Variants in RABGEF1 observed in about 807,000 individuals in gnomAD.
The protein encoded by RABGEF1 is rab5 GDP/GTP exchange factor.
Under a neutral mutation model 57.3 loss-of-function variants are expected in RABGEF1, and 26 were observed. That is an observed-to-expected ratio of 0.45 (90% CI 0.33 to 0.63). The LOEUF (loss-of-function observed/expected upper bound fraction) is 0.63, where lower values mean the gene tolerates loss of function less well. Among genes scored for constraint, RABGEF1 ranks in the 20% least tolerant of loss-of-function variants. RABGEF1 has a pLI of 0.02. For missense variants in RABGEF1, 464 were observed against 607.6 expected, an observed-to-expected ratio of 0.76 and a Z score of 2.48; for synonymous variants, 185 against 210.7, an observed-to-expected ratio of 0.88 and a Z score of 1.06.
chr7:66,665,764 C>T, the RABGEF1 span, among the ~76,000 whole-genome samples: 1 of 152,184 alleles, frequency 6.6e-6, no homozygotes. Flanking sequence ...TGGGGGGTGG[C>T]CTGGTCCCTT....
intron 1 of RABGEF1, among the ~76,000 whole-genome samples, chr7:66,750,812 T>C (rs1390913590): frequency 1.3e-5 from 2 of 152,336 alleles, no homozygotes; most frequent in African/African-American, 2.4e-5. Flanking sequence ...GTCAGTGAAA[T>C]GCAAAGATTT....
intron 1 of RABGEF1, chr7:66,756,066 C>A: frequency 6.7e-7 from 1 of 1,502,736 alleles, no homozygotes; most frequent in Middle Eastern, 2.0e-4. Context: ...ATGGCGTCTT[C>A]ATACCATGAA....
At chr7:66,796,905 T>C (rs769719328) in intron 5 of RABGEF1, 21 of 447,938 alleles carry the variant, frequency 4.7e-5, no homozygotes, top group South Asian at 3.3e-4. Flanking sequence ...AAGTTTTTTT[T>C]TTAAGCGTAT....
At chr7:66,663,383 C>T in the RABGEF1 span, among the ~76,000 whole-genome samples, 1 of 152,142 alleles carries the variant, frequency 6.6e-6, no homozygotes, top group Non-Finnish European at 1.5e-5. Context: ...TAGGGTCTCC[C>T]CAACCATGCT....
intron 7 of RABGEF1, among the ~76,000 whole-genome samples, chr7:66,802,100 CAG>C (rs947994033): frequency 5.3e-5 from 8 of 152,072 alleles, no homozygotes; most frequent in African/African-American, 1.9e-4. Context: ...TCTGTAGAGA[CAG>C]AGTTTCATCA....
chr7:66,727,815 A>G (rs189959086), intron 2 of RABGEF1, among the ~76,000 whole-genome samples: 22 of 152,282 alleles, frequency 1.4e-4, no homozygotes, highest in Admixed American at 8.5e-4. Flanking sequence ...GTCTGTGTTC[A>G]TGTTAACAAT....
chr7:66,732,761 GTCTC>G lies in RABGEF1; in HGVS notation c.-814-7231_-814-7228del, dbSNP rs550536707. On this transcript the variant is annotated intron_variant and NMD_transcript_variant, in intron 2 of 9. Coordinates refer to the RABGEF1 transcript ENST00000607882. ...TTGCTGTCTCTCTCGCTCTCTTGCT[GTCTC>G]TCTTTCTCACTCGCTCTCTCTTGCT... Among the ~76,000 whole-genome samples, 458 of 151,662 alleles carry G rather than the reference GTCTC, an allele frequency of 3.0e-3. 2 individuals carry two copies. The highest frequency in any genetic ancestry group is 8.9e-3 in the Admixed American group (136 of 15,206).
intron 5 of RABGEF1, 95 bp downstream of exon 5, chr7:66,795,687 G>T: frequency 1.7e-6 from 2 of 1,189,696 alleles, no homozygotes; most frequent in Non-Finnish European, 2.5e-6. Flanking sequence ...GGTCTGGCTG[G>T]TTTGTAGACT....
At chr7:66,669,786 C>G in the RABGEF1 span, 1 of 152,554 alleles carries the variant, frequency 6.6e-6, no homozygotes, top group Middle Eastern at 3.4e-3. Flanking sequence ...ATGGCACCAT[C>G]ATCATCTACC....
At chr7:66,773,836 T>G (rs1224747300) in intron 2 of RABGEF1, 3 of 420,876 alleles carry the variant, frequency 7.1e-6, no homozygotes, top group Non-Finnish European at 1.4e-5. Flanking sequence ...CAGCTAAGTT[T>G]TGTATTTTAT....
At chr7:66,714,239 G>A (rs906007528) in intron 2 of RABGEF1, among the ~76,000 whole-genome samples, 1 of 152,116 alleles carries the variant, frequency 6.6e-6, no homozygotes, top group Non-Finnish European at 1.5e-5. Context: ...ATTCAATTTC[G>A]TTAATAGTAT....
In RABGEF1 at chr7:66,809,406, C is replaced by T. The variant is rs1440105517; in HGVS notation, c.*122C>T. 2 of 1,138,044 alleles carry T rather than the reference C, an allele frequency of 1.8e-6. No individual in the cohort carries two copies. Among genetic ancestry groups the T allele is most frequent in the Non-Finnish European group, 2.5e-6 (2 of 814,734 alleles). 70.5% of individuals were successfully genotyped at this position (1,138,044 alleles called of 1,614,324 possible). ...TAAATGTCAGCATTTTTTAAAGGTA[C>T]AGTATATGGGGATTGTTTCGTTTTT... is the stretch of plus-strand genomic sequence containing the variant. On this transcript the variant is annotated 3_prime_UTR_variant, in exon 9 of 9. Transcript: ENST00000284957.
At chr7:66,661,142 C>CA in the RABGEF1 span, among the ~76,000 whole-genome samples, 6 of 151,606 alleles carry the variant, frequency 4.0e-5, no homozygotes, top group East Asian at 1.9e-4. Context: ...CTAAAAAATA[C>CA]AAAAAAATTA....
rs199723632 is a variant in RABGEF1, at chr7:66,799,681, C to CT, written c.820+275dup. 2.3e-3 allele frequency among the ~76,000 whole-genome samples: 349 copies of CT among 151,574 alleles called. 6 individuals are homozygous for CT. The highest frequency in any genetic ancestry group is 0.018 in the East Asian group (93 of 5,160). On this transcript the variant is annotated intron_variant, in intron 7 of 8. Coordinates refer to ENST00000284957, the MANE Select transcript of RABGEF1 (RefSeq NM_014504.3). ...AATGCAGATAGAATAAATTTTTTTTCTTTTTTTTGTACTTCTTTTTTTATT... is the reference window on the plus strand; with the variant it reads ...AATGCAGATAGAATAAATTTTTTTTCTTTTTTTTTGTACTTCTTTTTTTATT...
chr7:66,703,033 G>A (rs1392295907), intron 1 of RABGEF1, among the ~76,000 whole-genome samples: 1 of 152,158 alleles, frequency 6.6e-6, no homozygotes, highest in Non-Finnish European at 1.5e-5. Flanking sequence ...GAGGGCAGTG[G>A]TGCTATCTCA....
intron 2 of RABGEF1, among the ~76,000 whole-genome samples, chr7:66,729,266 C>T (rs757684050): frequency 2.6e-5 from 4 of 151,204 alleles, no homozygotes; most frequent in Non-Finnish European, 5.9e-5. Flanking sequence ...TCCACCATTA[C>T]CACCATCCTC....
intron 2 of RABGEF1, among the ~76,000 whole-genome samples, chr7:66,733,391 C>T (rs1286051756): frequency 1.3e-5 from 2 of 152,128 alleles, no homozygotes; most frequent in Non-Finnish European, 2.9e-5. Flanking sequence ...CTTAGCCTGT[C>T]TTCTCCACCA....
chr7:66,687,333 CCAGGT>C (rs1410433150), intron 1 of RABGEF1, among the ~76,000 whole-genome samples: 2 of 151,348 alleles, frequency 1.3e-5, no homozygotes, highest in African/African-American at 2.4e-5. Flanking sequence ...GCCTTGTTGG[CCAGGT>C]CAGTCTCAAA....
chr7:66,699,115 G>A (rs1792813268), intron 1 of RABGEF1, among the ~76,000 whole-genome samples: 1 of 152,148 alleles, frequency 6.6e-6, no homozygotes, highest in Admixed American at 6.5e-5. Context: ...CTGTGGGGAG[G>A]CGAATTCCAG....
Sources: gnomAD v4.1 joint callset for allele counts (sites outside exome capture counted in the v4.1 genomes callset) on GRCh38, gnomAD v4.1.1 for gene constraint, MANE v1.5 for transcripts, NCBI Gene and HGNC (gene_info 2026-07-23, HGNC 2026-07-21) for gene names.